The following LAMB4 variants were observed in gnomAD, a reference collection of about 807,000 sequenced individuals.
LAMB4 encodes the protein laminin subunit beta-4.
In LAMB4, 196 loss-of-function variants were observed where a neutral mutation model predicts 199.2. The ratio of observed to expected loss-of-function variants is 0.98; its 90% confidence interval spans 0.88 to 1.11. The LOEUF is 1.11. LAMB4 is among the 50% of genes least tolerant of loss of function. The probability of loss-of-function intolerance (pLI) is 0.00; values close to 1 mark genes in which losing one functional copy is unlikely to be tolerated. For synonymous variants in LAMB4, 744 were observed against 770.6 expected, an observed-to-expected ratio of 0.97 and a Z score of 0.57; for missense variants, 2,080 against 2,171.2, an observed-to-expected ratio of 0.96 and a Z score of 0.83.
intron 12 of LAMB4, among the ~76,000 whole-genome samples, chr7:108,094,497 G>C (rs1439152021): frequency 6.6e-6 from 1 of 151,512 alleles, no homozygotes; most frequent in Non-Finnish European, 1.5e-5. Context: ...GTCCTCATAG[G>C]CATATGTTTC....
In LAMB4 at chr7:108,023,820, C is replaced by G; in HGVS notation, c.*219G>C. The G allele has an allele frequency of 2.9e-6, 1 of 339,700 alleles. No individual in the cohort carries two copies. 21.0% of individuals were successfully genotyped at this position (339,700 alleles called of 1,614,324 possible). On this transcript the variant is annotated 3_prime_UTR_variant, in exon 34 of 34. Transcript: ENST00000388781. ...AAGGTAAGAGGAAAAGTTTCTGAAA[C>G]CAGAGACAATTTCATTACTTTCCCC...
chr7:108,095,627 C>T (rs904948941), intron 11 of LAMB4, among the ~76,000 whole-genome samples: 4 of 152,152 alleles, frequency 2.6e-5, no homozygotes, highest in African/African-American at 9.7e-5. Context: ...GCACAGTAAC[C>T]CTAAGTGATG....
chr7:108,103,209 T>A lies in LAMB4; in HGVS notation c.1015A>T (p.Ser339Cys). ...GTAGTCATGTCAAAGTGACAGCGGC[T>A]GGAGTGGCTATTACAGCTGCACGCT... Reference protein sequence around the residue: ...CRSCSCNSHSSRCHFDMTTYL... With the variant: ...CRSCSCNSHSCRCHFDMTTYL... Residue 339 changes from serine (S) to cysteine (C), a missense_variant, in exon 10 of 34, where the codon AGC becomes TGC. Transcript: ENST00000388781. 1 of 1,573,026 alleles carries A rather than the reference T, an allele frequency of 6.4e-7. No individual in the cohort carries two copies. The highest frequency in any genetic ancestry group is 8.6e-7 in the Non-Finnish European group (1 of 1,158,314).
At chr7:108,096,767 C>CAA (rs1207456579) in intron 11 of LAMB4, among the ~76,000 whole-genome samples, 83 of 67,560 alleles carry the variant, frequency 1.2e-3, no homozygotes, top group African/African-American at 3.5e-3. Flanking sequence ...CTCCGTCTCT[C>CAA]AAAAAAAAAA....
rs766550533 is a variant in LAMB4 at position 108,043,793 on chromosome 7, T to C, written c.4430A>G (p.Asn1477Ser). Reference protein sequence around the residue: ...IRNQSDSEEENINLFIKKVKN... With the variant: ...IRNQSDSEEESINLFIKKVKN... ...CACTTTTTTGATGAAAAGATTGATG[T>C]TTTCTTCTTCAGAGTCACTTTGGTT... Residue 1477 changes from asparagine (N) to serine (S), a missense_variant, in exon 29 of 34, where the codon AAC becomes AGC. Asn to Ser is a conservative substitution (Grantham distance 46, BLOSUM62 1). Coordinates refer to ENST00000388781, the MANE Select transcript of LAMB4 (RefSeq NM_007356.3). 2 of 1,600,554 alleles carry C rather than the reference T, an allele frequency of 1.2e-6. No individual in the cohort carries two copies. Among genetic ancestry groups the C allele is most frequent in the Non-Finnish European group, 1.7e-6 (2 of 1,170,628 alleles).
chr7:108,092,138 T>G (rs2037431444), intron 13 of LAMB4, among the ~76,000 whole-genome samples, 199 bp downstream of exon 13: 1 of 152,136 alleles, frequency 6.6e-6, no homozygotes, highest in African/African-American at 2.4e-5. Context: ...CAGCTTGTGG[T>G]GGGATACCCA....
chr7:108,061,462 G>A (rs1405979511), intron 23 of LAMB4, among the ~76,000 whole-genome samples: 1 of 152,052 alleles, frequency 6.6e-6, no homozygotes, highest in Non-Finnish European at 1.5e-5. Context: ...GTGGGGGCTG[G>A]GCGTCGTGGC....
chr7:108,028,634 G>T (rs139789638), intron 33 of LAMB4, among the ~76,000 whole-genome samples: 3,215 of 151,788 alleles, frequency 0.021, 111 homozygotes, highest in African/African-American at 0.073. Context: ...CCACCACCAC[G>T]CCTGGCTAAT....
At chr7:108,029,343 C>G (rs192324106) in intron 32 of LAMB4, 147 bp from the exon 33 acceptor site, 1 of 520,296 alleles carries the variant, frequency 1.9e-6, no homozygotes, top group East Asian at 3.5e-5. Context: ...ATATTTCCGG[C>G]AGAGTTTTAT....
chr7:108,126,498 CG>C (rs1253736526), intron 1 of LAMB4, among the ~76,000 whole-genome samples: 1 of 149,938 alleles, frequency 6.7e-6, no homozygotes, highest in African/African-American at 2.5e-5. Context: ...GCCTATTTCA[CG>C]TAGCATAATG....
At chr7:108,021,596 C>T (rs2150472116), downstream of LAMB4, among the ~76,000 whole-genome samples, 1 of 152,108 alleles carries the variant, frequency 6.6e-6, no homozygotes, top group East Asian at 1.9e-4. Context: ...GTGATCTCAG[C>T]TACTCGGGAG....
rs1394865505 is a variant in LAMB4 at position 108,052,212 on chromosome 7, T to C, written c.3801A>G (p.Glu1267=). The C allele has an allele frequency of 2.5e-6, 4 of 1,610,916 alleles. No individual in the cohort carries two copies. The South Asian group carries it at 4.4e-5, about 18-fold the overall frequency. ...CTATTGTATCTTTCAGATCTTGAAA[T>C]TCATACACTGCTTTCAGTTGTTCAT... ...QLNEQLKAVY[E]FQDLKDTIER... is the part of the protein sequence containing the mutation. The change falls in exon 26 of 34, where the codon GAA becomes GAG. Residue 1267 remains glutamate, a synonymous_variant. Coordinates refer to ENST00000388781, the MANE Select transcript of LAMB4 (RefSeq NM_007356.3).
Position 108,043,904 on chromosome 7 carries a change from G to T in LAMB4, c.4327-8C>A. 6.3e-7 allele frequency: 1 copy of T among 1,594,042 alleles called. No individual in the cohort carries two copies. Among genetic ancestry groups the T allele is most frequent in the Non-Finnish European group, 8.5e-7 (1 of 1,173,590 alleles). On this transcript the variant is annotated splice_region_variant and splice_polypyrimidine_tract_variant and intron_variant, in intron 28 of 33. Transcript: ENST00000388781. Reference sequence around the variant, plus strand: ...TTCACTTATACTTTCGATCTGGAATGAGAAAAACACAATGAAGAATACTCG... The same window carrying T: ...TTCACTTATACTTTCGATCTGGAATTAGAAAAACACAATGAAGAATACTCG...
At chr7:108,105,745 C>T (rs913115633) in intron 8 of LAMB4, 72 bp downstream of exon 8, 19 of 1,275,934 alleles carry the variant, frequency 1.5e-5, no homozygotes, top group Non-Finnish European at 1.9e-5. Context: ...TGGAGTGTCT[C>T]ATCTATATAT....
chr7:108,068,192 A>G, intron 18 of LAMB4, 33 bp from the exon 19 acceptor site: 1 of 1,611,388 alleles, frequency 6.2e-7, no homozygotes, highest in Non-Finnish European at 8.5e-7. Flanking sequence ...GGTAGAAATG[A>G]ATGAAGAGGC....
chr7:108,044,552 A>G (rs1489779599), intron 28 of LAMB4, among the ~76,000 whole-genome samples: 1 of 152,218 alleles, frequency 6.6e-6, no homozygotes, highest in East Asian at 1.9e-4. Flanking sequence ...TTAGAGAGAG[A>G]GAAAAAACCC....
At chr7:108,020,079 T>C (rs73422878), downstream of LAMB4, among the ~76,000 whole-genome samples, 2,899 of 152,200 alleles carry the variant, frequency 0.019, 95 homozygotes, top group African/African-American at 0.066. Context: ...TCCCCTCACT[T>C]ATCCCCTACT....
Position 108,095,274 on chromosome 7 carries a change from C to A in LAMB4, c.1424G>T (p.Cys475Phe). The change falls in exon 12 of 34, where the codon TGC becomes TTC. Residue 475 changes from cysteine to phenylalanine, a missense_variant. Physicochemically the swap from Cys to Phe is radical, Grantham distance 205. Transcript: ENST00000388781. The stretch of plus-strand genomic sequence containing the variant: ...TCCGGTGACATATGACAGGCACAAG[C>A]ATTGGCCTGTATCCACATCACAGGT... ...FLTCDVDTGQ[C>F]LCLSYVTGAH... 2.5e-6 allele frequency: 4 copies of A among 1,614,122 alleles called. No homozygotes were observed. The highest frequency in any genetic ancestry group is 2.7e-5 in the African/African-American group (2 of 75,062).
intron 31 of LAMB4, among the ~76,000 whole-genome samples, chr7:108,031,274 G>C (rs1268060290): frequency 7.4e-6 from 1 of 135,850 alleles, no homozygotes; most frequent in African/African-American, 2.8e-5. Flanking sequence ...AGTAAGCTGT[G>C]ATTGTGCCAC....
Sources: allele counts gnomAD v4.1 joint callset (sites outside exome capture counted in the v4.1 genomes callset), GRCh38; gene constraint gnomAD v4.1.1; transcripts MANE v1.5; gene names NCBI Gene and HGNC (gene_info 2026-07-23, HGNC 2026-07-21).